NFASC: variants seen among roughly 807,000 people sequenced by gnomAD.
NFASC encodes the protein neurofascin homolog.
A neutral mutation model predicts 147.5 loss-of-function variants in NFASC; 43 were observed. The ratio of observed to expected loss-of-function variants is 0.29; its 90% confidence interval spans 0.23 to 0.38. The LOEUF (loss-of-function observed/expected upper bound fraction) is 0.38, where lower values mean the gene tolerates loss of function less well. Ranked by LOEUF, NFASC falls within the 10% of genes least tolerant of loss-of-function variation. The pLI, the probability that NFASC is intolerant of heterozygous loss-of-function variation, is 1.00. For missense variants in NFASC, 1,320 were observed against 1,689.0 expected, an observed-to-expected ratio of 0.78 and a Z score of 3.83; for synonymous variants, 622 against 665.5, an observed-to-expected ratio of 0.93 and a Z score of 1.01.
At chr1:204,885,929 T>C (rs945702113) in intron 1 of NFASC, among the ~76,000 whole-genome samples, 2 of 152,214 alleles carry the variant, frequency 1.3e-5, no homozygotes, top group African/African-American at 4.8e-5. Flanking sequence ...CCTTTCCAGA[T>C]GGGCACTCTG....
chr1:204,842,513 G>A (rs1180671052), intron 1 of NFASC, among the ~76,000 whole-genome samples: 1 of 152,098 alleles, frequency 6.6e-6, no homozygotes, highest in African/African-American at 2.4e-5. Flanking sequence ...GAGTGTACAT[G>A]GTCAGTATGT....
chr1:204,853,102 C>G (rs993925862), intron 1 of NFASC, among the ~76,000 whole-genome samples: 8 of 151,770 alleles, frequency 5.3e-5, no homozygotes, highest in Non-Finnish European at 1.2e-4. Flanking sequence ...GCCTAAACCC[C>G]AGATAATCTA....
rs1351465488 is a variant in NFASC at position 204,981,783 on chromosome 1, T to C, written c.2248-15T>C. ...TCTCTGGCAGCCTCTCCAGCCTGTC[T>C]GTCCCTCTGCCCAGCCCATGAATGC... On this transcript the variant is annotated splice_polypyrimidine_tract_variant and intron_variant, in intron 20 of 29. Transcript: ENST00000339876. 7 of 1,511,898 alleles carry C rather than the reference T, an allele frequency of 4.6e-6. No individual in the cohort carries two copies. Among genetic ancestry groups the C allele is most frequent in the Non-Finnish European group, 5.3e-6 (6 of 1,122,300 alleles). 93.7% of individuals were successfully genotyped at this position (1,511,898 alleles called of 1,614,324 possible). A position where few individuals can be genotyped will look rare whatever the true frequency, so the allele number is the denominator to read the frequency against.
intron 27 of NFASC, 105 bp from the exon 28 acceptor site, chr1:205,009,452 G>A: frequency 7.9e-7 from 1 of 1,266,362 alleles, no homozygotes; most frequent in Non-Finnish European, 1.2e-6. Flanking sequence ...TTAGGCTCCA[G>A]GAGAAACATC....
intron 1 of NFASC, among the ~76,000 whole-genome samples, chr1:204,863,934 AAGAG>A (rs147059643): frequency 0.1 from 15,226 of 150,800 alleles, 1,322 homozygotes; most frequent in East Asian, 0.45. Flanking sequence ...AGGAGGAAGA[AAGAG>A]AGAGAGAAAG....
At chr1:204,846,284 T>C (rs1677020221) in intron 1 of NFASC, among the ~76,000 whole-genome samples, 1 of 152,082 alleles carries the variant, frequency 6.6e-6, no homozygotes, top group African/African-American at 2.4e-5. Flanking sequence ...TGAGGTGTTA[T>C]GTTTCAGAGT....
At chr1:204,995,084 C>T (rs933940467) in intron 24 of NFASC, among the ~76,000 whole-genome samples, 3 of 152,142 alleles carry the variant, frequency 2.0e-5, no homozygotes, top group African/African-American at 7.2e-5. Flanking sequence ...CACACCACTA[C>T]ACTCCAGCCT....
chr1:204,912,872 T>A (rs2087981961), intron 1 of NFASC, among the ~76,000 whole-genome samples: 1 of 151,590 alleles, frequency 6.6e-6, no homozygotes, highest in Non-Finnish European at 1.5e-5. Context: ...AAAAAATAAT[T>A]TAAAAATTAG....
intron 1 of NFASC, among the ~76,000 whole-genome samples, chr1:204,838,212 G>T (rs1674314708): frequency 1.3e-5 from 2 of 152,126 alleles, no homozygotes; most frequent in African/African-American, 2.4e-5. Context: ...CTTGAAATGT[G>T]GCTAATATGA....
intron 2 of NFASC, among the ~76,000 whole-genome samples, chr1:204,943,970 G>A (rs2093544940): frequency 6.6e-6 from 1 of 152,164 alleles, no homozygotes; most frequent in African/African-American, 2.4e-5. Context: ...AGTGGTGAAG[G>A]GGGTGGGCTG....
At chr1:204,945,405 AG>A (rs1374613350) in intron 3 of NFASC, among the ~76,000 whole-genome samples, 1 of 152,250 alleles carries the variant, frequency 6.6e-6, no homozygotes, top group Admixed American at 6.5e-5. Flanking sequence ...AACTCTAAAA[AG>A]TCGTCCCTGA....
intron 1 of NFASC, among the ~76,000 whole-genome samples, chr1:204,876,623 C>A (rs1223078968): frequency 2.0e-5 from 3 of 152,140 alleles, no homozygotes; most frequent in South Asian, 2.1e-4. Context: ...TCCTTCCAGC[C>A]CCTGGCAACC....
Position 204,952,206 on chromosome 1 carries a change from G to A in NFASC, c.215+90G>A, listed in dbSNP as rs996599843. ...AGGCAAATGAGGCAGCAGGAAAATT[G>A]GACTCATCCATTCCAAAAAATTTCC... On this transcript the variant is annotated intron_variant, in intron 5 of 29. Transcript: ENST00000339876. 20 of 1,016,116 alleles carry A rather than the reference G, an allele frequency of 2.0e-5. 2 individuals carry two copies. The South Asian group carries it at 2.7e-4, about 13-fold the overall frequency. The allele number at this position is 1,016,116 out of a possible 1,614,324, so 62.9% of individuals were successfully genotyped here.
At chr1:204,844,404 A>C (rs1174197114) in intron 1 of NFASC, among the ~76,000 whole-genome samples, 1 of 152,190 alleles carries the variant, frequency 6.6e-6, no homozygotes, top group Non-Finnish European at 1.5e-5. Context: ...AGTACACCTG[A>C]TGGCTTTGGT....
At chr1:204,883,838 C>CA (rs1199473504) in intron 1 of NFASC, among the ~76,000 whole-genome samples, 1 of 152,192 alleles carries the variant, frequency 6.6e-6, no homozygotes. Flanking sequence ...ACACAGTGAC[C>CA]TCCATGCTGC....
intron 1 of NFASC, among the ~76,000 whole-genome samples, chr1:204,876,558 C>G (rs2078828964): frequency 6.6e-6 from 1 of 152,150 alleles, no homozygotes; most frequent in Non-Finnish European, 1.5e-5. Context: ...CTTCAAAACC[C>G]TTTCATGCTC....
At chr1:204,832,072 A>G (rs1221007441) in intron 1 of NFASC, among the ~76,000 whole-genome samples, 1 of 152,148 alleles carries the variant, frequency 6.6e-6, no homozygotes, top group Non-Finnish European at 1.5e-5. Flanking sequence ...GGAAAAGGGT[A>G]GGGGACAAGA....
intron 29 of NFASC, 48 bp downstream of exon 29, chr1:205,012,914 C>T: frequency 7.5e-7 from 1 of 1,327,174 alleles, no homozygotes. Context: ...CCTCCCTGTC[C>T]CTGAGGCACC....
chr1:204,988,502 GA>G (rs1218409307), intron 22 of NFASC, 130 bp from the exon 23 acceptor site: 18 of 791,988 alleles, frequency 2.3e-5, no homozygotes, highest in Non-Finnish European at 2.9e-5. Context: ...AAGCCTTTAA[GA>G]TCACCAGGCA....
Sources: allele counts gnomAD v4.1 joint callset (sites outside exome capture counted in the v4.1 genomes callset), GRCh38; gene constraint gnomAD v4.1.1; transcripts MANE v1.5; gene names NCBI Gene and HGNC (gene_info 2026-07-23, HGNC 2026-07-21).